The following EZH1 variants were observed in gnomAD, a reference collection of about 807,000 sequenced individuals.
EZH1 encodes the protein enhancer of zeste 1 polycomb repressive complex 2 subunit, also known as histone-lysine N-methyltransferase EZH1.
EZH1 carries 33 observed loss-of-function variants against 100.5 expected under a neutral mutation model. That is an observed-to-expected ratio of 0.33 (90% CI 0.25 to 0.44). EZH1 has a LOEUF of 0.44. EZH1 is among the 20% of genes least tolerant of loss of function. The probability of loss-of-function intolerance (pLI) is 1.00; values close to 1 mark genes in which losing one functional copy is unlikely to be tolerated. For synonymous variants in EZH1, 272 were observed against 313.8 expected (o/e 0.87, Z 1.41); for missense variants, 475 against 928.4 (o/e 0.51, Z 6.35).
intron 1 of EZH1, among the ~76,000 whole-genome samples, chr17:42,733,939 CAAAAAA>C (rs71157668): frequency 2.0e-5 from 1 of 50,084 alleles, no homozygotes; most frequent in Non-Finnish European, 4.7e-5. Context: ...GACTCCATCT[CAAAAAA>C]AAAAAAAAAA....
chr17:42,710,261 T>C (rs1329115697), intron 12 of EZH1, among the ~76,000 whole-genome samples: 1 of 152,200 alleles, frequency 6.6e-6, no homozygotes, highest in African/African-American at 2.4e-5. Context: ...TTCTTCTTTT[T>C]AGGAAGGGCA....
chr17:42,724,205 G>T, intron 5 of EZH1, 100 bp downstream of exon 5: 1 of 1,402,028 alleles, frequency 7.1e-7, no homozygotes. Flanking sequence ...TCCTAGCTGT[G>T]TTAATTACTG....
chr17:42,706,035 T>C lies in EZH1; in HGVS notation c.1811A>G (p.Asn604Ser), dbSNP rs750875720. The part of the protein sequence containing the change: ...HWDCKVVSCK[N>S]CSIQRGLKKH... ...CTTAAGTCCACGCTGGATGCTGCAG[T>C]TTTTACAGGAAACCACCTTGCAGTC... The change falls in exon 16 of 21, where the codon AAC becomes AGC. Residue 604 changes from asparagine (N) to serine (S), a missense_variant. Physicochemically the swap from Asn to Ser is conservative, Grantham distance 46. This residue lies in a region of EZH1 where 23 missense variants were observed against 31.9 expected (regional missense o/e 0.72). Coordinates refer to ENST00000428826, the MANE Select transcript of EZH1 (RefSeq NM_001991.5). This position sits in a 1 kb window ranked among gnomAD's most constrained non-coding sequence, Gnocchi z 4.4. 1.1e-5 allele frequency: 18 copies of C among 1,613,516 alleles called. No individual in the cohort carries two copies.
Position 42,702,494 on chromosome 17 carries a change from T to G in EZH1, c.*38A>C. On this transcript the variant is annotated 3_prime_UTR_variant, in exon 21 of 21. Coordinates refer to ENST00000428826, the MANE Select transcript of EZH1 (RefSeq NM_001991.5). ...GGTGTGAGCACGAAAGCCAAGACAG[T>G]GCCGCTACCATAAGTGCTGCCGTGG... The G allele has an allele frequency of 6.6e-7, 1 of 1,517,294 alleles. No individual in the cohort carries two copies. Among genetic ancestry groups the G allele is most frequent in the Non-Finnish European group, 8.9e-7 (1 of 1,120,110 alleles). The allele number at this position is 1,517,294 out of a possible 1,614,324, so 94.0% of individuals were successfully genotyped here. A position where few individuals can be genotyped will look rare whatever the true frequency, so the allele number is the denominator to read the frequency against.
At chr17:42,740,364 C>T (rs988593416) in intron 1 of EZH1, among the ~76,000 whole-genome samples, 5 of 152,098 alleles carry the variant, frequency 3.3e-5, no homozygotes, top group African/African-American at 9.7e-5. Context: ...CTCAGCCTCC[C>T]GCGTAGCTGG....
chr17:42,705,250 G>A, intron 16 of EZH1, 67 bp from the exon 17 acceptor site: 1 of 807,914 alleles, frequency 1.2e-6, no homozygotes. Flanking sequence ...TGCTGGATGT[G>A]CACATGTGTG....
intron 1 of EZH1, among the ~76,000 whole-genome samples, chr17:42,738,125 G>T (rs527577714): frequency 1.3e-5 from 2 of 148,212 alleles, no homozygotes; most frequent in South Asian, 4.3e-4. Flanking sequence ...GCAGTGAGCC[G>T]AGACGGTGCC....
Position 42,727,657 on chromosome 17 carries a change from C to T in EZH1, c.224G>A (p.Ser75Asn), listed in dbSNP as rs530196145. Residue 75 changes from serine (S) to asparagine (N), a missense_variant, in exon 4 of 21, where the codon AGT becomes AAT. Transcript: ENST00000428826. Reference sequence around the variant, plus strand: ...TACCTTTTTGAGAAAAGGGTGTCCACTCACAGGCTTCATTGACTGAACAGG... The same window carrying T: ...TACCTTTTTGAGAAAAGGGTGTCCATTCACAGGCTTCATTGACTGAACAGG... The part of the protein sequence containing the change: ...VQPVQSMKPV[S>N]GHPFLKKCTI... 5.0e-6 allele frequency: 8 copies of T among 1,613,252 alleles called. No individual in the cohort carries two copies. The African/African-American group carries it at 1.1e-4, about 22-fold the overall frequency.
chr17:42,728,254 C>CA (rs2053864155), intron 3 of EZH1, among the ~76,000 whole-genome samples: 1 of 151,060 alleles, frequency 6.6e-6, no homozygotes, highest in African/African-American at 2.4e-5. Flanking sequence ...GCCGGGATTA[C>CA]AGGCATATGA....
chr17:42,715,792 A>G (rs1057324784), intron 10 of EZH1, among the ~76,000 whole-genome samples: 1 of 152,196 alleles, frequency 6.6e-6, no homozygotes, highest in Non-Finnish European at 1.5e-5. Context: ...TTACACCTGT[A>G]ATCCCAGTAC....
intron 11 of EZH1, 27 bp from the exon 12 acceptor site, chr17:42,712,512 A>AAGAAATAACAGAATCC: frequency 6.3e-7 from 1 of 1,599,312 alleles, no homozygotes; most frequent in Non-Finnish European, 8.5e-7. Flanking sequence ...TAACAGAATC[A>AAGAAATAACAGAATCC]GAAGAAGGTA....
At position 42,713,374 on chromosome 17, in the gene EZH1, A is replaced by G; in HGVS notation, c.1039T>C (p.Tyr347His). 6.2e-7 allele frequency: 1 copy of G among 1,603,756 alleles called. No homozygotes were observed. The highest frequency in any genetic ancestry group is 8.5e-7 in the Non-Finnish European group (1 of 1,171,526). ...GAGCGGGGGTTGTGGAGCATGGCAT[A>G]CTCCTTTGCTCCTTCCTGCAGTGGA... ...CFLLLEGAKE[Y>H]AMLHNPRSKC... Residue 347 changes from tyrosine to histidine, a missense_variant, in exon 11 of 21, where the codon TAT becomes CAT. Transcript: ENST00000428826.
intron 14 of EZH1, 38 bp downstream of exon 14, chr17:42,708,838 C>A: frequency 6.2e-7 from 1 of 1,612,760 alleles, no homozygotes; most frequent in Non-Finnish European, 8.5e-7. Context: ...AGTGAGGCCT[C>A]CAGCTGAACT....
rs762358085 is a variant in EZH1 at position 42,718,087 on chromosome 17, T to C, written c.932-20A>G. On this transcript the variant is annotated intron_variant, in intron 9 of 20. Coordinates refer to ENST00000428826, the MANE Select transcript of EZH1 (RefSeq NM_001991.5). This position sits in a 1 kb window ranked among gnomAD's most constrained non-coding sequence, Gnocchi z 4.2. ...GAAAAGCTGGAAAACAAAAACTGTC[T>C]TGTTGCCAGTGGTCTATCCACTTGA... 35 of 1,600,998 alleles carry C rather than the reference T, an allele frequency of 2.2e-5. No individual in the cohort carries two copies. Among genetic ancestry groups the C allele is most frequent in the Middle Eastern group, 3.3e-4 (2 of 6,068 alleles).
chr17:42,701,970 C>A lies in EZH1; in HGVS notation c.*562G>T, dbSNP rs780078215. 2 of 152,408 alleles carry A rather than the reference C, an allele frequency of 1.3e-5. No individual in the cohort carries two copies. The highest frequency in any genetic ancestry group is 2.9e-5 in the Non-Finnish European group (2 of 68,144). The allele number at this position is 152,408 out of a possible 1,614,324, so 9.4% of individuals were successfully genotyped here. ...CACTCTTTCAGTTTGAGCCCTGCCA[C>A]GAGGGAGGAGGTAGTAAGGTGACCT... On this transcript the variant is annotated 3_prime_UTR_variant, in exon 21 of 21. Coordinates refer to ENST00000428826, the MANE Select transcript of EZH1 (RefSeq NM_001991.5).
chr17:42,710,456 G>T (rs142069289), intron 12 of EZH1, among the ~76,000 whole-genome samples: 1 of 152,066 alleles, frequency 6.6e-6, no homozygotes, highest in Non-Finnish European at 1.5e-5. Flanking sequence ...GGGGCTATTG[G>T]CCCTTTGTGG....
intron 14 of EZH1, 119 bp from the exon 15 acceptor site, chr17:42,708,202 C>G: frequency 1.6e-6 from 2 of 1,215,554 alleles, no homozygotes; most frequent in Non-Finnish European, 2.3e-6. Context: ...CTTGGACACA[C>G]ATTTAGCACC....
At chr17:42,723,373 C>CAA (rs34024745) in intron 5 of EZH1, among the ~76,000 whole-genome samples, 3,023 of 142,412 alleles carry the variant, frequency 0.021, 102 homozygotes, top group African/African-American at 0.072. Flanking sequence ...GACTCCGTCT[C>CAA]AAAAAAAAAA....
chr17:42,720,016 T>C (rs372643398), intron 7 of EZH1, among the ~76,000 whole-genome samples: 3 of 152,362 alleles, frequency 2.0e-5, no homozygotes, highest in Non-Finnish European at 4.4e-5. Context: ...TACATATATA[T>C]AAATTGGCAT....
Sources: allele counts gnomAD v4.1 joint callset (sites outside exome capture counted in the v4.1 genomes callset), GRCh38; gene constraint gnomAD v4.1.1; regional missense constraint gnomAD v4.1.1; non-coding constraint Gnocchi (gnomAD v3.1); transcripts MANE v1.5; gene names NCBI Gene and HGNC (gene_info 2026-07-23, HGNC 2026-07-21).